PIGN: variants seen among roughly 807,000 people sequenced by gnomAD.
PIGN encodes the protein GPI ethanolamine phosphate transferase 1.
In PIGN, 117 loss-of-function variants were observed where a neutral mutation model predicts 125.4. That is an observed-to-expected ratio of 0.93 (90% confidence interval 0.80 to 1.09). PIGN has a LOEUF of 1.09. PIGN is among the 50% of genes least tolerant of loss of function. The probability of loss-of-function intolerance (pLI) is 0.00; values close to 1 mark genes in which losing one functional copy is unlikely to be tolerated. For synonymous variants in PIGN, 392 were observed against 377.8 expected (o/e 1.04, Z -0.44); for missense variants, 1,075 against 1,094.9 (o/e 0.98, Z 0.26).
At chr18:62,054,990 T>C (rs1355688491) in intron 30 of PIGN, among the ~76,000 whole-genome samples, 2 of 152,128 alleles carry the variant, frequency 1.3e-5, no homozygotes, top group African/African-American at 4.8e-5. Flanking sequence ...GAAGCCAAAA[T>C]GAGATATCAC....
intron 4 of PIGN, among the ~76,000 whole-genome samples, chr18:62,159,969 C>T (rs576988000): frequency 7.9e-5 from 12 of 152,084 alleles, no homozygotes; most frequent in South Asian, 4.2e-4. Flanking sequence ...AAAAATTAGC[C>T]GGGTGTGGTG....
intron 14 of PIGN, among the ~76,000 whole-genome samples, chr18:62,133,554 G>C (rs996450871): frequency 6.6e-6 from 1 of 152,122 alleles, no homozygotes; most frequent in African/African-American, 2.4e-5. Context: ...TATTCAGTAA[G>C]TAATTTGGAG....
At chr18:62,143,828 A>G (rs1317160162) in intron 10 of PIGN, among the ~76,000 whole-genome samples, 1 of 152,222 alleles carries the variant, frequency 6.6e-6, no homozygotes, top group Non-Finnish European at 1.5e-5. Flanking sequence ...ACAAATGTTA[A>G]CATAGTATAT....
At chr18:62,088,883 T>C (rs568543857) in intron 24 of PIGN, 41 bp from the exon 25 acceptor site, 2 of 1,188,014 alleles carry the variant, frequency 1.7e-6, no homozygotes, top group Middle Eastern at 1.9e-4. Context: ...CAATAACAGT[T>C]GGCTTATTTC....
chr18:62,100,463 A>G (rs954437342), intron 22 of PIGN, among the ~76,000 whole-genome samples: 20 of 152,210 alleles, frequency 1.3e-4, no homozygotes, highest in African/African-American at 4.8e-4. Flanking sequence ...GCATATGTCA[A>G]ATTATTCACA....
intron 24 of PIGN, among the ~76,000 whole-genome samples, chr18:62,090,143 A>C (rs2033890044): frequency 6.6e-6 from 1 of 152,192 alleles, no homozygotes; most frequent in South Asian, 2.1e-4. Flanking sequence ...AAATTGACGG[A>C]AGGAAAAATT....
intron 1 of PIGN, among the ~76,000 whole-genome samples, chr18:62,166,755 G>T (rs1436856571): frequency 6.6e-6 from 1 of 152,154 alleles, no homozygotes; most frequent in African/African-American, 2.4e-5. Flanking sequence ...CCTTTGCAGG[G>T]ACATAGATGA....
intron 14 of PIGN, among the ~76,000 whole-genome samples, chr18:62,135,413 T>C (rs2147081147): frequency 6.6e-6 from 1 of 152,050 alleles, no homozygotes; most frequent in African/African-American, 2.4e-5. Flanking sequence ...AACCAGTACA[T>C]GGGAATCAGC....
intron 17 of PIGN, among the ~76,000 whole-genome samples, chr18:62,107,759 T>A (rs931649724): frequency 6.6e-6 from 1 of 151,914 alleles, no homozygotes; most frequent in African/African-American, 2.4e-5. Context: ...AACTGAAAAA[T>A]TTTTTAAAAT....
At chr18:62,039,530 C>T (rs1236851981), downstream of PIGN, among the ~76,000 whole-genome samples, 4 of 128,942 alleles carry the variant, frequency 3.1e-5, no homozygotes, top group South Asian at 2.5e-4. Flanking sequence ...TCCAGGGTGC[C>T]GCACCCCATG....
chr18:62,139,009 C>A lies in PIGN; in HGVS notation c.1090G>T (p.Ala364Ser). 6.2e-7 allele frequency: 1 copy of A among 1,608,478 alleles called. No individual in the cohort carries two copies. Residue 364 changes from alanine to serine, a missense_variant, in exon 13 of 31, where the codon GCA (alanine) becomes TCA (serine). Around this residue, in one of 3 missense-constraint regions of PIGN, gnomAD observed 915 missense variants for 908.7 expected, o/e 1.01. Transcript: ENST00000640252. ...TTGAACTGTTCAAGAATCTGTACTG[C>A]ATTTGTAAACATGCTCTCTGCTTTG... ...LFKAESMFTN[A>S]VQILEQFKVK...
intron 28 of PIGN, among the ~76,000 whole-genome samples, chr18:62,078,847 A>C (rs1355375016): frequency 6.6e-6 from 1 of 152,176 alleles, no homozygotes; most frequent in East Asian, 1.9e-4. Context: ...ATCCCCACTG[A>C]GCCACTGTGA....
At chr18:62,080,656 G>T (rs1423260502) in intron 28 of PIGN, among the ~76,000 whole-genome samples, 1 of 152,072 alleles carries the variant, frequency 6.6e-6, no homozygotes, top group Admixed American at 6.5e-5. Context: ...GGCAGATGGA[G>T]GCATGATGAG....
At chr18:62,024,213 G>A (rs1413086281) in intron 23 of PIGN, among the ~76,000 whole-genome samples, 1 of 152,192 alleles carries the variant, frequency 6.6e-6, no homozygotes, top group South Asian at 2.1e-4. Flanking sequence ...TAAATCAAAA[G>A]CATTTAAGTC....
chr18:62,093,030 C>T (rs1388789656), intron 23 of PIGN, among the ~76,000 whole-genome samples: 4 of 152,016 alleles, frequency 2.6e-5, no homozygotes, highest in African/African-American at 9.7e-5. Context: ...CTATTGTACA[C>T]TAGCAGTACA....
intron 19 of PIGN, among the ~76,000 whole-genome samples, chr18:62,106,298 T>C (rs1375551031): frequency 6.6e-6 from 1 of 152,106 alleles, no homozygotes; most frequent in Non-Finnish European, 1.5e-5. Context: ...TAGAAGCACA[T>C]TGTAATTCCC....
At chr18:62,154,439 C>G (rs2036646646) in intron 7 of PIGN, 106 bp downstream of exon 7, 1 of 693,918 alleles carries the variant, frequency 1.4e-6, no homozygotes, top group Non-Finnish European at 2.5e-6. Context: ...TGTGCTACAA[C>G]ATAGAACTTT....
At chr18:62,019,732 C>G (rs920894267) in intron 23 of PIGN, among the ~76,000 whole-genome samples, 1 of 152,216 alleles carries the variant, frequency 6.6e-6, no homozygotes, top group Non-Finnish European at 1.5e-5. Flanking sequence ...CTGGCCACAA[C>G]AGATTAACTG....
At chr18:62,105,657 C>T in intron 19 of PIGN, 23 bp from the exon 20 acceptor site, 1 of 1,390,246 alleles carries the variant, frequency 7.2e-7, no homozygotes, top group Non-Finnish European at 9.9e-7. Context: ...AAAAAGTTAT[C>T]TTTAGACAAA....
Sources: gnomAD v4.1 joint callset for allele counts (sites outside exome capture counted in the v4.1 genomes callset) on GRCh38, gnomAD v4.1.1 for gene constraint, gnomAD v4.1.1 regional missense constraint, MANE v1.5 for transcripts, NCBI Gene and HGNC (gene_info 2026-07-23, HGNC 2026-07-21) for gene names.